The following PPP6C variants were observed in gnomAD, a reference collection of about 807,000 sequenced individuals.
The protein encoded by PPP6C is protein phosphatase 6 catalytic subunit.
Under a neutral mutation model 39.8 loss-of-function variants are expected in PPP6C, and 11 were observed. The observed-to-expected ratio is 0.28, with a 90% CI of 0.17 to 0.46. The LOEUF (loss-of-function observed/expected upper bound fraction) is 0.46. Ranked by LOEUF, PPP6C falls within the 20% of genes least tolerant of loss-of-function variation. PPP6C has a pLI of 1.00. For missense variants in PPP6C, 211 were observed against 373.9 expected (o/e 0.56, Z 3.59); for synonymous variants, 129 against 130.3 (o/e 0.99, Z 0.07).
intron 1 of PPP6C, among the ~76,000 whole-genome samples, chr9:125,186,184 T>C (rs1829526805): frequency 6.6e-6 from 1 of 152,096 alleles, no homozygotes; most frequent in South Asian, 2.1e-4. Context: ...GCCTCAATGA[T>C]TACTTTTCTT....
chr9:125,161,409 T>C (rs1243521027), intron 2 of PPP6C, among the ~76,000 whole-genome samples: 1 of 152,120 alleles, frequency 6.6e-6, no homozygotes, highest in Middle Eastern at 3.2e-3. Flanking sequence ...GTCTCCTCAA[T>C]GATCAGTTAA....
chr9:125,150,421 GGTGT>G (rs113973939), intron 6 of PPP6C, among the ~76,000 whole-genome samples: 21 of 149,950 alleles, frequency 1.4e-4, no homozygotes, highest in East Asian at 5.9e-4. Context: ...CAATATAAGG[GGTGT>G]GTGTGTGTGT....
At chr9:125,179,645 T>TTC in intron 1 of PPP6C, among the ~76,000 whole-genome samples, 1 of 149,786 alleles carries the variant, frequency 6.7e-6, no homozygotes, top group Admixed American at 6.7e-5. Flanking sequence ...AGCTTTCCTT[T>TTC]TCTCTCTCTC....
chr9:125,179,758 C>G (rs772805408), intron 1 of PPP6C, among the ~76,000 whole-genome samples: 1 of 151,286 alleles, frequency 6.6e-6, no homozygotes, highest in Non-Finnish European at 1.5e-5. Flanking sequence ...CAGATTCAAG[C>G]GATTCTCCTG....
chr9:125,158,165 G>C (rs1335314609), intron 4 of PPP6C, 76 bp downstream of exon 4: 24 of 1,396,636 alleles, frequency 1.7e-5, no homozygotes, highest in Admixed American at 1.1e-4. Flanking sequence ...TAAAGCATGT[G>C]TATGACTTGT....
intron 4 of PPP6C, among the ~76,000 whole-genome samples, chr9:125,157,679 TTC>T (rs755998892): frequency 3.8e-5 from 5 of 130,592 alleles, no homozygotes; most frequent in Non-Finnish European, 6.2e-5. Context: ...AGGCCCAGCA[TTC>T]TCCTTTTTTT....
At position 125,189,755 on chromosome 9, in the gene PPP6C, C is replaced by CGGCTGT. The variant is rs756992771; in HGVS notation, c.-43_-38dup. On this transcript the variant is annotated 5_prime_UTR_variant, in exon 1 of 7. Transcript: ENST00000373547. Reference sequence around the variant, plus strand: ...CAAGCCGCGGCAACAGCGGCGGCGGCGGCTGTAGCAGCGGCGGCGGCAGCG... The same window carrying CGGCTGT: ...CAAGCCGCGGCAACAGCGGCGGCGGCGGCTGTGGCTGTAGCAGCGGCGGCGGCAGCG... 14 of 1,552,926 alleles carry CGGCTGT rather than the reference C, an allele frequency of 9.0e-6. No individual in the cohort carries two copies. The African/African-American group carries it at 1.3e-4, about 14-fold the overall frequency.
chr9:125,161,238 C>T (rs752588916), intron 2 of PPP6C, among the ~76,000 whole-genome samples: 2 of 152,006 alleles, frequency 1.3e-5, no homozygotes, highest in Non-Finnish European at 2.9e-5. Context: ...AACAGCCCAC[C>T]CAAATTCTGT....
chr9:125,186,786 G>GA (rs971834113), intron 1 of PPP6C, among the ~76,000 whole-genome samples: 12 of 148,108 alleles, frequency 8.1e-5, no homozygotes, highest in East Asian at 7.9e-4. Flanking sequence ...ATTTTTTTAA[G>GA]AAAAAAAAAG....
chr9:125,189,365 C>A (rs901943863), intron 1 of PPP6C, among the ~76,000 whole-genome samples: 1 of 152,238 alleles, frequency 6.6e-6, no homozygotes, highest in Admixed American at 6.5e-5. Context: ...AAAGCTGTTA[C>A]AGCTGCGGGT....
intron 1 of PPP6C, 130 bp downstream of exon 1, chr9:125,189,514 G>C (rs1312440006): frequency 6.7e-7 from 1 of 1,488,144 alleles, no homozygotes. Context: ...GGTAGGACCG[G>C]GTCGACTGGC....
rs1835869853 is a variant in PPP6C at position 125,148,883 on chromosome 9, T to G, written c.*790A>C. ...AAAATAAATACTATTGAATTTCAAT[T>G]GAAGTTTTAAACTCAATAACCAAAG... On this transcript the variant is annotated 3_prime_UTR_variant, in exon 7 of 7. Coordinates refer to ENST00000373547, the MANE Select transcript of PPP6C (RefSeq NM_002721.5). 1 of 152,194 alleles carries G rather than the reference T, an allele frequency of 6.6e-6. No individual in the cohort carries two copies. Among genetic ancestry groups the G allele is most frequent in the African/African-American group, 2.4e-5 (1 of 41,464 alleles). The allele number at this position is 152,194 out of a possible 1,614,324, so 9.4% of individuals were successfully genotyped here.
chr9:125,170,596 C>A (rs1829125715), intron 2 of PPP6C, among the ~76,000 whole-genome samples: 1 of 152,150 alleles, frequency 6.6e-6, no homozygotes, highest in South Asian at 2.1e-4. Context: ...TATTTTCTAG[C>A]TCATTCATCA....
Position 125,147,874 on chromosome 9 carries a change from G to C in PPP6C, c.*1799C>G, listed in dbSNP as rs1303788949. On this transcript the variant is annotated 3_prime_UTR_variant, in exon 7 of 7. Coordinates refer to ENST00000373547, the MANE Select transcript of PPP6C (RefSeq NM_002721.5). Reference sequence around the variant, plus strand: ...AAGTTGTCTGCATCATTAATTTCCAGTGTTTCACAATTAGTAAAATACATA... The same window carrying C: ...AAGTTGTCTGCATCATTAATTTCCACTGTTTCACAATTAGTAAAATACATA... 1 of 184,570 alleles carries C rather than the reference G, an allele frequency of 5.4e-6. No homozygotes were observed. The highest frequency in any genetic ancestry group is 1.1e-5 in the Non-Finnish European group (1 of 87,898). 11.4% of individuals were successfully genotyped at this position (184,570 alleles called of 1,614,324 possible). A position where few individuals can be genotyped will look rare whatever the true frequency, so the allele number is the denominator to read the frequency against.
chr9:125,186,481 C>G (rs555584257), intron 1 of PPP6C, among the ~76,000 whole-genome samples: 30 of 152,024 alleles, frequency 2.0e-4, no homozygotes, highest in Non-Finnish European at 4.3e-4. Context: ...TATAGTGGCT[C>G]ATGCCTGTTA....
At chr9:125,167,845 G>C (rs1423902063) in intron 2 of PPP6C, among the ~76,000 whole-genome samples, 4 of 32,654 alleles carry the variant, frequency 1.2e-4, no homozygotes, top group East Asian at 2.2e-3. Flanking sequence ...GGGGGGGGGG[G>C]GGTATCATTT....
At chr9:125,173,400 C>T (rs1324935882) in intron 1 of PPP6C, among the ~76,000 whole-genome samples, 1 of 114,456 alleles carries the variant, frequency 8.7e-6, no homozygotes, top group East Asian at 2.8e-4. Context: ...GAGAGACTCC[C>T]TCTCAAAAAA....
chr9:125,184,223 C>CA (rs1456122953), intron 1 of PPP6C, among the ~76,000 whole-genome samples: 1 of 151,788 alleles, frequency 6.6e-6, no homozygotes, highest in Non-Finnish European at 1.5e-5. Context: ...CCATCTTTAC[C>CA]AAAAATACCA....
At chr9:125,163,588 C>G (rs1015393334) in intron 2 of PPP6C, among the ~76,000 whole-genome samples, 2 of 151,228 alleles carry the variant, frequency 1.3e-5, no homozygotes, top group Non-Finnish European at 2.9e-5. Context: ...GTGCCAACAG[C>G]CCCAGCTAAT....
Sources: allele counts gnomAD v4.1 joint callset (sites outside exome capture counted in the v4.1 genomes callset), GRCh38; gene constraint gnomAD v4.1.1; transcripts MANE v1.5; gene names NCBI Gene and HGNC (gene_info 2026-07-23, HGNC 2026-07-21).